B4GALT5: variants seen among roughly 807,000 people sequenced by gnomAD.
B4GALT5 encodes UDP-Gal:beta-GlcNAc beta-1,4-galactosyltransferase 5.
B4GALT5 carries 11 observed loss-of-function variants against 45.0 expected under a neutral mutation model. The ratio of observed to expected loss-of-function variants is 0.24; its 90% CI spans 0.15 to 0.40. The LOEUF is 0.40. B4GALT5 is among the 10% of genes least tolerant of loss of function. The probability of loss-of-function intolerance (pLI) is 1.00; values close to 1 mark genes in which losing one functional copy is unlikely to be tolerated. For missense variants in B4GALT5, 337 were observed against 500.2 expected, an observed-to-expected ratio of 0.67 and a Z score of 3.11; for synonymous variants, 185 against 182.9, an observed-to-expected ratio of 1.01 and a Z score of -0.09.
chr20:49,712,844 G>GT (rs1255818618), intron 1 of B4GALT5, among the ~76,000 whole-genome samples: 39 of 147,662 alleles, frequency 2.6e-4, no homozygotes, highest in Middle Eastern at 7.0e-3. Flanking sequence ...AGGTGGGGGG[G>GT]GGGGAGATGG....
intron 1 of B4GALT5, among the ~76,000 whole-genome samples, chr20:49,670,416 T>C (rs1295818495): frequency 6.6e-6 from 1 of 152,200 alleles, no homozygotes; most frequent in African/African-American, 2.4e-5. Context: ...ACCAATGTTC[T>C]TTACAACAGT....
chr20:49,649,570 A>T (rs2085612727), intron 2 of B4GALT5, among the ~76,000 whole-genome samples: 1 of 152,008 alleles, frequency 6.6e-6, no homozygotes. Context: ...ACAGAATGAG[A>T]TCCTATCTTA....
At chr20:49,665,863 G>C (rs2085688227) in intron 1 of B4GALT5, among the ~76,000 whole-genome samples, 1 of 151,740 alleles carries the variant, frequency 6.6e-6, no homozygotes, top group Non-Finnish European at 1.5e-5. Context: ...AGCCATCCAG[G>C]GGGAAATACA....
chr20:49,675,669 C>T (rs1285933364), intron 1 of B4GALT5, among the ~76,000 whole-genome samples: 2 of 152,138 alleles, frequency 1.3e-5, no homozygotes, highest in Non-Finnish European at 1.5e-5. Flanking sequence ...TGTAGGTTGT[C>T]GGGTTTCTTC....
intron 1 of B4GALT5, among the ~76,000 whole-genome samples, chr20:49,665,572 C>A (rs986769146): frequency 9.9e-5 from 15 of 150,944 alleles, no homozygotes; most frequent in African/African-American, 3.4e-4. Flanking sequence ...ATGTTACAAA[C>A]TGTAATTCAG....
rs77346329 is a variant in B4GALT5, at chr20:49,634,019, A to G, written c.*2293T>C. 1 of 152,756 alleles carries G rather than the reference A, an allele frequency of 6.5e-6. No homozygotes were observed. Among genetic ancestry groups the G allele is most frequent in the Non-Finnish European group, 1.5e-5 (1 of 68,038 alleles). 9.5% of individuals were successfully genotyped at this position (152,756 alleles called of 1,614,324 possible). A position where few individuals can be genotyped will look rare whatever the true frequency, so the allele number is the denominator to read the frequency against. ...AAAACCAAATGAACTTCTGTGTGTA[A>G]TGTTCACTTGTGAAGGTATTTTAAA... On this transcript the variant is annotated 3_prime_UTR_variant, in exon 9 of 9. Coordinates refer to ENST00000371711, the MANE Select transcript of B4GALT5 (RefSeq NM_004776.4).
chr20:49,653,271 G>A (rs1301653558), intron 2 of B4GALT5, among the ~76,000 whole-genome samples: 2 of 152,094 alleles, frequency 1.3e-5, no homozygotes, highest in East Asian at 3.8e-4. Context: ...GTGGATTCTG[G>A]AGCAGTCTGG....
At chr20:49,676,318 G>A (rs1025201258) in intron 1 of B4GALT5, among the ~76,000 whole-genome samples, 1 of 152,068 alleles carries the variant, frequency 6.6e-6, no homozygotes, top group Non-Finnish European at 1.5e-5. Flanking sequence ...CCCCCTAAAT[G>A]AATCCACAGA....
intron 1 of B4GALT5, among the ~76,000 whole-genome samples, chr20:49,668,177 CAA>C (rs1420510351): frequency 1.3e-5 from 2 of 152,046 alleles, no homozygotes; most frequent in African/African-American, 2.4e-5. Context: ...AGAAAAATCA[CAA>C]AGTCATTCGT....
intron 1 of B4GALT5, among the ~76,000 whole-genome samples, chr20:49,691,051 A>C (rs2085808633): frequency 6.6e-6 from 1 of 152,212 alleles, no homozygotes; most frequent in Non-Finnish European, 1.5e-5. Context: ...ATTATTTAAG[A>C]GATAGCAGAT....
intron 1 of B4GALT5, among the ~76,000 whole-genome samples, chr20:49,659,694 C>G (rs1411154440): frequency 6.6e-6 from 1 of 152,188 alleles, no homozygotes; most frequent in Non-Finnish European, 1.5e-5. Flanking sequence ...ATGCTTCCCA[C>G]TACTGGGGAA....
chr20:49,675,673 T>C (rs889642420), intron 1 of B4GALT5, among the ~76,000 whole-genome samples: 4 of 152,174 alleles, frequency 2.6e-5, no homozygotes, highest in African/African-American at 9.7e-5. Flanking sequence ...GGTTGTCGGG[T>C]TTCTTCAGCT....
At chr20:49,694,966 A>G (rs1420678465) in intron 1 of B4GALT5, among the ~76,000 whole-genome samples, 1 of 152,178 alleles carries the variant, frequency 6.6e-6, no homozygotes, top group Non-Finnish European at 1.5e-5. Flanking sequence ...CCACTTCACA[A>G]TAACTCAAGC....
At chr20:49,701,973 G>A (rs2085863868) in intron 1 of B4GALT5, among the ~76,000 whole-genome samples, 1 of 152,188 alleles carries the variant, frequency 6.6e-6, no homozygotes, top group Non-Finnish European at 1.5e-5. Flanking sequence ...GCGGAGACAG[G>A]AGAATCACTT....
In B4GALT5 at chr20:49,686,960, G is replaced by A. The variant is rs193223600; in HGVS notation, c.115+26616C>T. 1.1e-4 allele frequency among the ~76,000 whole-genome samples: 16 copies of A among 152,144 alleles called. No homozygotes were observed. In the East Asian group the frequency reaches 3.1e-3, roughly 29 times the overall value. On this transcript the variant is annotated intron_variant, in intron 1 of 8. Coordinates refer to ENST00000371711, the MANE Select transcript of B4GALT5 (RefSeq NM_004776.4). The stretch of plus-strand genomic sequence containing the variant: ...GTCCAATGGTCAGAGACAATGACTT[G>A]AGTAACTCAAAATCCAATTCTGCTT...
intron 5 of B4GALT5, among the ~76,000 whole-genome samples, chr20:49,642,053 A>G (rs1345531217): frequency 6.6e-6 from 1 of 152,160 alleles, no homozygotes; most frequent in East Asian, 1.9e-4. Context: ...CCTCAGGCTT[A>G]GAGAAGTTTG....
intron 1 of B4GALT5, among the ~76,000 whole-genome samples, chr20:49,684,140 C>T (rs1016975862): frequency 7.1e-6 from 1 of 140,464 alleles, no homozygotes; most frequent in Non-Finnish European, 1.6e-5. Flanking sequence ...GATTCCATCT[C>T]AAAAAAAAAA....
intron 2 of B4GALT5, among the ~76,000 whole-genome samples, chr20:49,650,746 A>G (rs2085618999): frequency 1.3e-5 from 2 of 152,238 alleles, no homozygotes; most frequent in Admixed American, 1.3e-4. Flanking sequence ...ATGTGCAGTT[A>G]TCGTGAGGAG....
At chr20:49,663,835 G>C (rs970697302) in intron 1 of B4GALT5, among the ~76,000 whole-genome samples, 3 of 151,596 alleles carry the variant, frequency 2.0e-5, no homozygotes, top group African/African-American at 7.3e-5. Context: ...TACATTCTTT[G>C]AGAGATATAC....
Sources: gnomAD v4.1 joint callset for allele counts (sites outside exome capture counted in the v4.1 genomes callset) on GRCh38, gnomAD v4.1.1 for gene constraint, MANE v1.5 for transcripts, NCBI Gene and HGNC (gene_info 2026-07-23, HGNC 2026-07-21) for gene names.